Variants in CTNNA3 observed in about 807,000 individuals in gnomAD.
The protein encoded by CTNNA3 is catenin alpha 3.
A neutral mutation model predicts 95.7 loss-of-function variants in CTNNA3; 76 were observed. The ratio of observed to expected loss-of-function variants is 0.79; its 90% CI spans 0.66 to 0.96. CTNNA3 has a LOEUF of 0.96. CTNNA3 is among the 40% of genes least tolerant of loss of function. CTNNA3 has a pLI of 0.00. For missense variants in CTNNA3, 1,191 were observed against 1,089.8 expected, an observed-to-expected ratio of 1.09 and a Z score of -1.31; for synonymous variants, 431 against 374.4, an observed-to-expected ratio of 1.15 and a Z score of -1.74.
In CTNNA3 at chr10:66,861,342, T is replaced by C. The variant is rs980526358; in HGVS notation, c.1048-85818A>G. ...ACGTTCTGCCCATGTCTGCATGTGT[T>C]TTCTCTGGGTACACCAGTTTCCCCC... On this transcript the variant is annotated intron_variant, in intron 7 of 17. Transcript: ENST00000433211. Among the ~76,000 whole-genome samples, 7 of 152,172 alleles carry C rather than the reference T, an allele frequency of 4.6e-5. No homozygotes were observed. In the East Asian group the frequency reaches 1.2e-3, roughly 25 times the overall value.
intron 15 of CTNNA3, among the ~76,000 whole-genome samples, chr10:66,026,568 T>C (rs1589264294): frequency 1.3e-5 from 2 of 152,192 alleles, no homozygotes; most frequent in East Asian, 1.9e-4. Context: ...GTCTAAAATA[T>C]TGGCATTCTG....
At chr10:66,070,509 A>T (rs1369822913) in intron 14 of CTNNA3, among the ~76,000 whole-genome samples, 1 of 152,172 alleles carries the variant, frequency 6.6e-6, no homozygotes, top group East Asian at 1.9e-4. Context: ...TTCTCTTTAC[A>T]TTCTGTATCT....
chr10:67,281,963 C>T (rs943710386), intron 5 of CTNNA3, among the ~76,000 whole-genome samples: 4 of 152,198 alleles, frequency 2.6e-5, no homozygotes, highest in African/African-American at 7.2e-5. Context: ...ACATAGAAAA[C>T]CTCATGATAG....
chr10:67,355,840 G>A (rs1842788952), intron 5 of CTNNA3, among the ~76,000 whole-genome samples: 1 of 151,858 alleles, frequency 6.6e-6, no homozygotes, highest in Non-Finnish European at 1.5e-5. Flanking sequence ...TATTAGGTCA[G>A]TAGTACATAT....
intron 13 of CTNNA3, among the ~76,000 whole-genome samples, chr10:66,176,780 C>T (rs574996238): frequency 5.9e-4 from 90 of 152,116 alleles, no homozygotes; most frequent in African/African-American, 2.1e-3. Flanking sequence ...GACTTCCCAG[C>T]CTTCAGAACT....
intron 13 of CTNNA3, among the ~76,000 whole-genome samples, chr10:66,159,001 T>C (rs1167350081): frequency 1.3e-5 from 2 of 152,092 alleles, no homozygotes; most frequent in African/African-American, 4.8e-5. Context: ...TTTGTGTACA[T>C]TAATCTTGTA....
At chr10:66,676,578 C>T (rs776019505) in intron 9 of CTNNA3, among the ~76,000 whole-genome samples, 10 of 152,070 alleles carry the variant, frequency 6.6e-5, no homozygotes, top group Non-Finnish European at 8.8e-5. Context: ...GAAACCATTT[C>T]TCATAGCCTG....
intron 12 of CTNNA3, among the ~76,000 whole-genome samples, chr10:66,333,711 T>C (rs2092359991): frequency 6.6e-6 from 1 of 151,516 alleles, no homozygotes; most frequent in Non-Finnish European, 1.5e-5. Flanking sequence ...TTCTGTTGAT[T>C]TGAGGTGGAG....
chr10:66,067,681 G>T (rs150469324), intron 15 of CTNNA3, among the ~76,000 whole-genome samples: 12,676 of 152,148 alleles, frequency 0.083, 788 homozygotes, highest in East Asian at 0.19. Flanking sequence ...ACTTTGGGAG[G>T]CTGAGGCGGG....
intron 13 of CTNNA3, among the ~76,000 whole-genome samples, chr10:66,239,127 G>C (rs952307643): frequency 2.6e-5 from 4 of 151,646 alleles, no homozygotes; most frequent in African/African-American, 9.7e-5. Flanking sequence ...AAGAGTATTG[G>C]AAACATGGTA....
At chr10:66,930,718 A>T (rs6480240) in intron 7 of CTNNA3, among the ~76,000 whole-genome samples, 52,407 of 152,014 alleles carry the variant, frequency 0.34, 9,755 homozygotes, top group East Asian at 0.47. Flanking sequence ...AGCTACTTGG[A>T]ATATAAAATA....
chr10:66,294,345 G>C (rs72799171), intron 12 of CTNNA3, among the ~76,000 whole-genome samples: 1 of 152,096 alleles, frequency 6.6e-6, no homozygotes, highest in Admixed American at 6.5e-5. Context: ...GAAGAAGGAG[G>C]GGGTGAGGAG....
At chr10:66,202,566 T>C (rs868072795) in intron 13 of CTNNA3, among the ~76,000 whole-genome samples, 1 of 152,222 alleles carries the variant, frequency 6.6e-6, no homozygotes, top group African/African-American at 2.4e-5. Context: ...TAAACGCTTC[T>C]GAATGTAGTT....
rs539523508 is a variant in CTNNA3, at chr10:67,193,195, T to C, written c.844-12675A>G. ...AGTTCTGGGGATCTAATGTACAACATAGATGGTAATTGGTATGTTAATTAA... is the reference window on the plus strand; with the variant it reads ...AGTTCTGGGGATCTAATGTACAACACAGATGGTAATTGGTATGTTAATTAA... On this transcript the variant is annotated intron_variant, in intron 6 of 17. Coordinates refer to ENST00000433211, the MANE Select transcript of CTNNA3 (RefSeq NM_013266.4). Among the ~76,000 whole-genome samples the C allele has an allele frequency of 6.6e-4, 100 of 152,088 alleles. 1 individual carries two copies. The South Asian group carries it at 0.02, about 30-fold the overall frequency.
chr10:66,466,211 A>G (rs1388620998), intron 11 of CTNNA3, among the ~76,000 whole-genome samples: 1 of 151,922 alleles, frequency 6.6e-6, no homozygotes, highest in African/African-American at 2.4e-5. Flanking sequence ...CCTGGGTCTT[A>G]GGCTACCAGC....
intron 9 of CTNNA3, among the ~76,000 whole-genome samples, chr10:66,723,033 G>A (rs1848677219): frequency 6.6e-6 from 1 of 152,200 alleles, no homozygotes; most frequent in South Asian, 2.1e-4. Context: ...AGTCTTTTCT[G>A]CTCTATCATT....
intron 5 of CTNNA3, among the ~76,000 whole-genome samples, chr10:67,297,419 G>T (rs1484397655): frequency 6.6e-6 from 1 of 152,160 alleles, no homozygotes; most frequent in Non-Finnish European, 1.5e-5. Flanking sequence ...ACTAGATGTA[G>T]TGCTCAGAGT....
chr10:65,938,800 T>G (rs1434137738), intron 17 of CTNNA3, among the ~76,000 whole-genome samples: 1 of 152,096 alleles, frequency 6.6e-6, no homozygotes, highest in East Asian at 1.9e-4. Context: ...TCCCTTATAA[T>G]TGTGCTCTGA....
intron 12 of CTNNA3, among the ~76,000 whole-genome samples, chr10:66,329,206 C>T (rs1436993070): frequency 6.6e-6 from 1 of 151,802 alleles, no homozygotes; most frequent in Non-Finnish European, 1.5e-5. Flanking sequence ...CCACCTCAGC[C>T]TCCTAAAGTG....
Sources: gnomAD v4.1 joint callset for allele counts (sites outside exome capture counted in the v4.1 genomes callset) on GRCh38, gnomAD v4.1.1 for gene constraint, MANE v1.5 for transcripts, NCBI Gene and HGNC (gene_info 2026-07-23, HGNC 2026-07-21) for gene names.